Variants in PTPRD observed in about 807,000 individuals in gnomAD.
PTPRD encodes receptor-type tyrosine-protein phosphatase delta.
Under a neutral mutation model 214.5 loss-of-function variants are expected in PTPRD, and 34 were observed. The ratio of observed to expected loss-of-function variants is 0.16; its 90% CI spans 0.12 to 0.21. The LOEUF (loss-of-function observed/expected upper bound fraction) is 0.21. Ranked by LOEUF, PTPRD falls within the 10% of genes least tolerant of loss-of-function variation. The pLI, the probability that PTPRD is intolerant of heterozygous loss-of-function variation, is 1.00. For synonymous variants in PTPRD, 1,128 were observed against 845.7 expected (o/e 1.33, Z -5.79); for missense variants, 2,545 against 2,398.7 (o/e 1.06, Z -1.27).
chr9:9,702,565 C>G (rs762178737), intron 7 of PTPRD, among the ~76,000 whole-genome samples: 2 of 152,064 alleles, frequency 1.3e-5, no homozygotes, highest in African/African-American at 2.4e-5. Flanking sequence ...GTTAATGAAG[C>G]ACAGACAAGA....
At chr9:9,951,460 A>T (rs921966302) in intron 4 of PTPRD, among the ~76,000 whole-genome samples, 1 of 152,208 alleles carries the variant, frequency 6.6e-6, no homozygotes, top group African/African-American at 2.4e-5. Flanking sequence ...TTCATGAGAA[A>T]CTATGTCCTA....
At chr9:9,195,207 G>C (rs1017555869) in intron 9 of PTPRD, among the ~76,000 whole-genome samples, 3 of 151,726 alleles carry the variant, frequency 2.0e-5, no homozygotes, top group Admixed American at 2.0e-4. Context: ...ATGAAAACTT[G>C]AGCATACATC....
chr9:10,122,181 GC>G (rs1173359073), intron 3 of PTPRD, among the ~76,000 whole-genome samples: 3 of 152,062 alleles, frequency 2.0e-5, no homozygotes, highest in Non-Finnish European at 4.4e-5. Flanking sequence ...GGTGGTGCTT[GC>G]CTGTAATCCC....
chr9:10,509,136 T>C (rs576700651), intron 2 of PTPRD, among the ~76,000 whole-genome samples: 3 of 152,166 alleles, frequency 2.0e-5, no homozygotes, highest in Admixed American at 6.6e-5. Context: ...ACATATTATA[T>C]ATGCAGGTAA....
At chr9:9,985,694 T>G (rs1035832364) in intron 4 of PTPRD, among the ~76,000 whole-genome samples, 5 of 152,044 alleles carry the variant, frequency 3.3e-5, no homozygotes, top group Non-Finnish European at 5.9e-5. Flanking sequence ...TAAAATATTA[T>G]GTCCACATGG....
rs111914969 is a variant in PTPRD at position 9,514,459 on chromosome 9, C to G, written c.-237+60273G>C. Among the ~76,000 whole-genome samples the G allele has an allele frequency of 2.3e-3, 347 of 152,174 alleles. 1 individual carries two copies. The highest frequency in any genetic ancestry group is 7.4e-3 in the African/African-American group (307 of 41,546). On this transcript the variant is annotated intron_variant, in intron 8 of 45. Coordinates refer to ENST00000381196, the MANE Select transcript of PTPRD (RefSeq NM_002839.4). ...AGACAAGTACTTGGAATTCCACACACTGTAATTACATTGTTCCTTAGGAAG... is the reference window on the plus strand; with the variant it reads ...AGACAAGTACTTGGAATTCCACACAGTGTAATTACATTGTTCCTTAGGAAG...
chr9:9,728,276 C>T (rs1269272714), intron 7 of PTPRD, among the ~76,000 whole-genome samples: 5 of 152,120 alleles, frequency 3.3e-5, no homozygotes, highest in African/African-American at 4.8e-5. Context: ...TAATACATGT[C>T]CCATGAATAT....
chr9:10,140,134 A>AG (rs1341272028), intron 3 of PTPRD, among the ~76,000 whole-genome samples: 1 of 152,032 alleles, frequency 6.6e-6, no homozygotes, highest in African/African-American at 2.4e-5. Flanking sequence ...TGTGAAGACA[A>AG]ACCATCTGCA....
At chr9:10,516,104 G>A (rs973906096) in intron 2 of PTPRD, among the ~76,000 whole-genome samples, 4 of 151,986 alleles carry the variant, frequency 2.6e-5, no homozygotes, top group African/African-American at 9.6e-5. Context: ...AAATAGGATT[G>A]ATGGGTCATA....
chr9:9,846,141 C>T (rs1490514052), intron 5 of PTPRD, among the ~76,000 whole-genome samples: 1 of 152,008 alleles, frequency 6.6e-6, no homozygotes, highest in African/African-American at 2.4e-5. Flanking sequence ...TAATATGCTT[C>T]CTCCCTCCCC....
chr9:9,275,184 T>TA (rs1219920456), intron 9 of PTPRD, among the ~76,000 whole-genome samples: 9 of 21,462 alleles, frequency 4.2e-4, no homozygotes, highest in African/African-American at 1.1e-3. Flanking sequence ...AATATATATG[T>TA]TATATATATA....
intron 5 of PTPRD, among the ~76,000 whole-genome samples, chr9:9,828,205 G>T (rs10816195): frequency 6.6e-6 from 1 of 151,730 alleles, no homozygotes; most frequent in South Asian, 2.1e-4. Context: ...ACATACACAC[G>T]CATGTTTATT....
At chr9:9,001,999 T>A (rs1283943221) in intron 11 of PTPRD, among the ~76,000 whole-genome samples, 1 of 139,540 alleles carries the variant, frequency 7.2e-6, no homozygotes, top group Non-Finnish European at 1.6e-5. Context: ...GTTTGGGGGG[T>A]TGGTGTCGGG....
intron 7 of PTPRD, among the ~76,000 whole-genome samples, chr9:9,698,437 C>T (rs182988981): frequency 2.6e-4 from 40 of 152,264 alleles, no homozygotes; most frequent in Admixed American, 2.4e-3. Flanking sequence ...TAGGGGAGAT[C>T]CCAAAGGGCA....
intron 12 of PTPRD, among the ~76,000 whole-genome samples, chr9:8,664,964 C>T (rs1197119751): frequency 6.6e-6 from 1 of 152,174 alleles, no homozygotes; most frequent in Admixed American, 6.5e-5. Flanking sequence ...ACCAACTACA[C>T]ACAATTGAGT....
intron 11 of PTPRD, among the ~76,000 whole-genome samples, chr9:8,739,369 A>G (rs929440624): frequency 6.6e-6 from 1 of 152,254 alleles, no homozygotes; most frequent in African/African-American, 2.4e-5. Context: ...ACTGACAGAT[A>G]TAACTTTCTT....
At chr9:9,547,984 C>A (rs1290806408) in intron 8 of PTPRD, among the ~76,000 whole-genome samples, 2 of 151,724 alleles carry the variant, frequency 1.3e-5, no homozygotes, top group African/African-American at 4.8e-5. Context: ...AGACAAAGGA[C>A]AATGAAACAA....
chr9:9,521,012 A>G (rs928308127), intron 8 of PTPRD, among the ~76,000 whole-genome samples: 6 of 152,238 alleles, frequency 3.9e-5, no homozygotes, highest in Admixed American at 1.3e-4. Flanking sequence ...GAAATCACAG[A>G]TGATTTTTAT....
At chr9:8,488,098 A>AT (rs2097070560) in intron 27 of PTPRD, among the ~76,000 whole-genome samples, 1 of 152,180 alleles carries the variant, frequency 6.6e-6, no homozygotes, top group Admixed American at 6.5e-5. Context: ...GAAACAGGTG[A>AT]TAAAAAATCA....
Sources: gnomAD v4.1 joint callset for allele counts (sites outside exome capture counted in the v4.1 genomes callset) on GRCh38, gnomAD v4.1.1 for gene constraint, MANE v1.5 for transcripts, NCBI Gene and HGNC (gene_info 2026-07-23, HGNC 2026-07-21) for gene names.